The following AKAP17A variants were observed in gnomAD, a reference collection of about 807,000 sequenced individuals.
AKAP17A encodes A-kinase anchoring protein 17A, also known as A-kinase anchor protein 17A.
In AKAP17A, 15 loss-of-function variants were observed where a neutral mutation model predicts 52.2. That is an observed-to-expected ratio of 0.29 (90% confidence interval 0.19 to 0.44). AKAP17A has a LOEUF of 0.44. Ranked by LOEUF, AKAP17A falls within the 20% of genes least tolerant of loss-of-function variation. AKAP17A has a pLI of 1.00. For missense variants in AKAP17A, 1,060 were observed against 1,007.0 expected, an observed-to-expected ratio of 1.05 and a Z score of -0.71; for synonymous variants, 514 against 424.7, an observed-to-expected ratio of 1.21 and a Z score of -2.58.
Position 1,593,598 on chromosome X carries a change from A to C in AKAP17A, c.136A>C (p.Ile46Leu), listed in dbSNP as rs1375415559. 6.2e-7 allele frequency: 1 copy of C among 1,613,826 alleles called. No individual in the cohort carries two copies. Among genetic ancestry groups the C allele is most frequent in the Admixed American group, 1.7e-5 (1 of 60,010 alleles). The change falls in exon 2 of 5, where the codon ATC becomes CTC. Residue 46 changes from isoleucine to leucine, a missense_variant. Ile to Leu is a conservative substitution (Grantham distance 5, BLOSUM62 2). Transcript: ENST00000313871. ...LPQLKQPGKS[I>L]SNWEVMERLK... ...GCAGCTGAAGCAGCCGGGGAAGTCC[A>C]TCTCCAACTGGGAGGTGATGGAGAG...
At chrX:1,599,986 G>T in intron 4 of AKAP17A, 1 of 470,634 alleles carries the variant, frequency 2.1e-6, no homozygotes, top group South Asian at 1.8e-5. Flanking sequence ...CTGCAGGCGC[G>T]ACTGGTAACT....
At chrX:1,594,999 C>T (rs28715522) in intron 2 of AKAP17A, among the ~76,000 whole-genome samples, 2,843 of 152,248 alleles carry the variant, frequency 0.019, 88 homozygotes, top group African/African-American at 0.066. Context: ...TTAAGATGTG[C>T]CCTGTGGGTG....
rs1167424507 is a variant in AKAP17A at position 1,593,975 on chromosome X, G to A, written c.513G>A (p.Glu171=). The part of the protein sequence containing the change: ...LKESGSEKPS[E]DVLVKVFEKF... ...AGTCGGGCTCCGAGAAGCCCAGCGA[G>A]GACGTCCTGGTCAAGGTGTTTGAGA... The change falls in exon 2 of 5, where the codon GAG becomes GAA. Residue 171 remains glutamate, a synonymous_variant. Coordinates refer to ENST00000313871, the MANE Select transcript of AKAP17A (RefSeq NM_005088.3). 1 of 1,601,852 alleles carries A rather than the reference G, an allele frequency of 6.2e-7. No individual in the cohort carries two copies. The highest frequency in any genetic ancestry group is 8.5e-7 in the Non-Finnish European group (1 of 1,172,638).
intron 4 of AKAP17A, chrX:1,599,876 T>C: frequency 3.5e-6 from 2 of 578,846 alleles, no homozygotes; most frequent in Non-Finnish European, 6.2e-6. Flanking sequence ...AGAGGGGGCC[T>C]GCCGTGGGCC....
At position 1,599,201 on chromosome X, in the gene AKAP17A, G is replaced by C. The variant is rs773846888; in HGVS notation, c.921G>C (p.Lys307Asn). The C allele has an allele frequency of 1.8e-5, 29 of 1,611,784 alleles. No homozygotes were observed. The highest frequency in any genetic ancestry group is 2.1e-4 in the Middle Eastern group (1 of 4,706). The change falls in exon 4 of 5, where the codon AAG becomes AAC. Residue 307 changes from lysine to asparagine, a missense_variant. Lys to Asn is a moderately conservative substitution (Grantham distance 94). Coordinates refer to ENST00000313871, the MANE Select transcript of AKAP17A (RefSeq NM_005088.3). The stretch of plus-strand genomic sequence containing the variant: ...GGTGTGTTCCACACAGGAAACAAAA[G>C]GAGCTGGAAGAGCTGGAGCGAGAGA... ...ERQRAEERKQ[K>N]ELEELERERK...
rs756069154 is a variant in AKAP17A, at chrX:1,600,847, G to A, written c.1341G>A (p.Pro447=). ...RLLSILLSKK[P]DDSHTHDELG... ...TGAGCATCCTGCTGAGCAAGAAGCC[G>A]GACGACAGCCACACACACGACGAGC... is the stretch of plus-strand genomic sequence containing the variant. The change falls in exon 5 of 5, where the codon CCG becomes CCA. Residue 447 remains proline, a synonymous_variant. Coordinates refer to ENST00000313871, the MANE Select transcript of AKAP17A (RefSeq NM_005088.3). 2.0e-5 allele frequency: 32 copies of A among 1,591,134 alleles called. No individual in the cohort carries two copies. Among genetic ancestry groups the A allele is most frequent in the South Asian group, 9.0e-5 (8 of 88,904 alleles).
At position 1,599,780 on chromosome X, in the gene AKAP17A, T is replaced by C. The variant is rs111332569; in HGVS notation, c.1152+348T>C. 1.8e-3 allele frequency: 1,098 copies of C among 604,976 alleles called. 16 individuals are homozygous for C. In the African/African-American group the frequency reaches 0.018, roughly 10 times the overall value. The allele number at this position is 604,976 out of a possible 1,614,324, so 37.5% of individuals were successfully genotyped here. A position where few individuals can be genotyped will look rare whatever the true frequency, so the allele number is the denominator to read the frequency against. ...GGCCGCTCCCTCTGGCCCGCGCCTC[T>C]GTGTGTGGTCAGCTGGCCTGGCTGT... On this transcript the variant is annotated intron_variant, in intron 4 of 4. Coordinates refer to ENST00000313871, the MANE Select transcript of AKAP17A (RefSeq NM_005088.3).
chrX:1,600,601 C>T (rs1452615829), intron 4 of AKAP17A, 58 bp from the exon 5 acceptor site: 2 of 1,448,714 alleles, frequency 1.4e-6, no homozygotes, highest in African/African-American at 1.4e-5. Flanking sequence ...AGCTCCTGTC[C>T]CACGTGTCCG....
Position 1,594,015 on chromosome X carries a change from C to T in AKAP17A, c.553C>T (p.Arg185Trp). The T allele has an allele frequency of 1.2e-6, 2 of 1,606,292 alleles. No homozygotes were observed. Among genetic ancestry groups the T allele is most frequent in the Non-Finnish European group, 1.7e-6 (2 of 1,175,768 alleles). The change falls in exon 2 of 5, where the codon CGG becomes TGG. Residue 185 changes from arginine to tryptophan, a missense_variant. This residue lies in a region of AKAP17A where 267 missense variants were observed against 377.1 expected (regional missense o/e 0.71). Coordinates refer to ENST00000313871, the MANE Select transcript of AKAP17A (RefSeq NM_005088.3). ...GGTGTTTGAGAAGTTCGGGGAGATC[C>T]GGAATGTGGACATCCCCATGCTGGA... ...VKVFEKFGEI[R>W]NVDIPMLDPY...
chrX:1,597,223 A>G (rs1343112953), intron 3 of AKAP17A, among the ~76,000 whole-genome samples: 6 of 152,124 alleles, frequency 3.9e-5, no homozygotes, highest in Admixed American at 3.3e-4. Context: ...GGTGTTCTTT[A>G]CGTAGCCCCC....
intron 1 of AKAP17A, 93 bp from the exon 2 acceptor site, chrX:1,593,351 C>T: frequency 1.6e-6 from 2 of 1,281,832 alleles, no homozygotes; most frequent in Non-Finnish European, 2.2e-6. Context: ...TTTCTCTTCT[C>T]CGGGTCCAGA....
At chrX:1,596,843 C>A (rs867232072) in intron 3 of AKAP17A, among the ~76,000 whole-genome samples, 6 of 81,902 alleles carry the variant, frequency 7.3e-5, no homozygotes, top group African/African-American at 3.3e-4. Context: ...CTCCTCCATC[C>A]CTCCTGCCGT....
Position 1,601,486 on chromosome X carries a change from C to T in AKAP17A, c.1980C>T (p.Ser660=), listed in dbSNP as rs774500839. 1.2e-4 allele frequency: 191 copies of T among 1,558,900 alleles called. No individual in the cohort carries two copies. The highest frequency in any genetic ancestry group is 2.4e-4 in the Admixed American group (13 of 53,362). ...HSKDRHRRER[S]RERRGSASRK... ...AAGACAGGCACCGGAGGGAGCGGAG[C>T]CGGGAGCGGAGGGGCAGCGCCAGCA... Residue 660 remains serine (S), a synonymous_variant, in exon 5 of 5, where the codon AGC becomes AGT. Coordinates refer to ENST00000313871, the MANE Select transcript of AKAP17A (RefSeq NM_005088.3).
At chrX:1,598,819 C>CGCT (rs1312817477) in intron 3 of AKAP17A, among the ~76,000 whole-genome samples, 1 of 152,196 alleles carries the variant, frequency 6.6e-6, no homozygotes, top group Non-Finnish European at 1.5e-5. Context: ...TCCTCCGCGC[C>CGCT]GCTGTGCATC....
Position 1,601,549 on chromosome X carries a change from G to T in AKAP17A, c.2043G>T (p.Ser681=). The stretch of plus-strand genomic sequence containing the variant: ...GCCACCGCCGCCGAAGCGAGCGGTC[G>T]CGCTCCCGGTCCCCGAGCAGGCACC... ...HSRHRRRSER[S]RSRSPSRHRS... The change falls in exon 5 of 5, where the codon TCG becomes TCT. Residue 681 remains serine, a synonymous_variant. Coordinates refer to ENST00000313871, the MANE Select transcript of AKAP17A (RefSeq NM_005088.3). The T allele has an allele frequency of 1.4e-6, 2 of 1,469,658 alleles. No individual in the cohort carries two copies. 91.0% of individuals were successfully genotyped at this position (1,469,658 alleles called of 1,614,324 possible).
chrX:1,601,371 G>A lies in AKAP17A; in HGVS notation c.1865G>A (p.Arg622Gln), dbSNP rs745333855. The stretch of plus-strand genomic sequence containing the variant: ...GACGGGAGGCCACGCAAGGAGCGGC[G>A]GCCCCACAAGAAGCACGCCTACAAG... ...REDGRPRKER[R>Q]PHKKHAYKDD... The change falls in exon 5 of 5, where the codon CGG (arginine) becomes CAG (glutamine). Residue 622 changes from arginine to glutamine, a missense_variant. By Grantham distance (43) the Arg-to-Gln change is conservative. Coordinates refer to ENST00000313871, the MANE Select transcript of AKAP17A (RefSeq NM_005088.3). The A allele has an allele frequency of 2.5e-5, 40 of 1,576,584 alleles. No individual in the cohort carries two copies. In the South Asian group the frequency reaches 2.6e-4, roughly 10 times the overall value.
At chrX:1,600,452 C>G (rs1370828618) in intron 4 of AKAP17A, 2 of 644,492 alleles carry the variant, frequency 3.1e-6, no homozygotes, top group Non-Finnish European at 5.3e-6. Flanking sequence ...CATGATGGCC[C>G]CAGGTGTGGC....
chrX:1,591,904 GC>G (rs1337406110), intron 1 of AKAP17A, 135 bp downstream of exon 1: 2 of 149,282 alleles, frequency 1.3e-5, no homozygotes. Flanking sequence ...GGGTTGGGGG[GC>G]GTGGGGTGCC....
intron 3 of AKAP17A, among the ~76,000 whole-genome samples, chrX:1,596,037 C>T (rs1399343454): frequency 6.6e-6 from 1 of 151,992 alleles, no homozygotes; most frequent in Non-Finnish European, 1.5e-5. Flanking sequence ...TGTCACACGT[C>T]GTGGTCTGAC....
Sources: allele counts gnomAD v4.1 joint callset (sites outside exome capture counted in the v4.1 genomes callset), GRCh38; gene constraint gnomAD v4.1.1; regional missense constraint gnomAD v4.1.1; transcripts MANE v1.5; gene names NCBI Gene and HGNC (gene_info 2026-07-23, HGNC 2026-07-21).